The following YWHAZ variants were observed in gnomAD, a reference collection of about 807,000 sequenced individuals.
YWHAZ encodes the protein tyrosine 3-monooxygenase/tryptophan 5-monooxygenase activation protein zeta.
For synonymous variants in YWHAZ, 87 were observed against 103.6 expected (o/e 0.84, Z 0.97); for missense variants, 79 against 284.8 (o/e 0.28, Z 5.20).
intron 2 of YWHAZ, among the ~76,000 whole-genome samples, chr8:100,925,585 A>C (rs1393825225): frequency 6.6e-6 from 1 of 152,240 alleles, no homozygotes. Flanking sequence ...AAACCGTTCA[A>C]AAGTTTTATT....
chr8:100,929,640 G>C (rs1324662232), intron 2 of YWHAZ, among the ~76,000 whole-genome samples: 1 of 152,092 alleles, frequency 6.6e-6, no homozygotes, highest in Non-Finnish European at 1.5e-5. Flanking sequence ...CCGGATTTTT[G>C]TACACGTGGT....
At chr8:100,950,347 G>GCT in intron 1 of YWHAZ, 1 of 982,214 alleles carries the variant, frequency 1.0e-6, no homozygotes, top group Non-Finnish European at 1.2e-6. Flanking sequence ...AGTAACGAGT[G>GCT]CTCCAAGGCC....
upstream of YWHAZ, chr8:100,952,111 C>A: frequency 1.0e-6 from 1 of 986,702 alleles, no homozygotes; most frequent in South Asian, 4.5e-5. Context: ...ACCACACGCA[C>A]GATGACGTCA....
chr8:100,946,413 GCTGGTGCACGCCCAGTAATCCCAGCTA>G (rs1005807289), intron 2 of YWHAZ, among the ~76,000 whole-genome samples: 11 of 152,116 alleles, frequency 7.2e-5, no homozygotes, highest in Admixed American at 2.0e-4. Flanking sequence ...AGCTGGGCGT[GCTGGTGCACGCCCAGTAATCCCAGCTA>G]CTCGGGAGGT....
intron 2 of YWHAZ, among the ~76,000 whole-genome samples, chr8:100,944,474 T>C (rs187721267): frequency 3.3e-5 from 5 of 152,332 alleles, no homozygotes; most frequent in African/African-American, 4.8e-5. Flanking sequence ...CCAACTGTTA[T>C]AAATGTTAGA....
intron 1 of YWHAZ, chr8:100,950,284 A>T: frequency 1.3e-6 from 1 of 782,412 alleles, no homozygotes; most frequent in Middle Eastern, 6.5e-4. Flanking sequence ...AGTACAAAGG[A>T]TTCTCTCCCC....
chr8:100,951,766 AAG>A, intron 1 of YWHAZ, 161 bp downstream of exon 1: 5 of 984,976 alleles, frequency 5.1e-6, no homozygotes, highest in Non-Finnish European at 6.0e-6. Context: ...AGCCCAGCGG[AAG>A]AGGAGCCGCC....
chr8:100,926,441 G>A (rs1052212579), intron 2 of YWHAZ, among the ~76,000 whole-genome samples: 1 of 152,082 alleles, frequency 6.6e-6, no homozygotes, highest in Non-Finnish European at 1.5e-5. Context: ...GGTGAGCCTC[G>A]TCAACATGGT....
At position 100,924,344 on chromosome 8, in the gene YWHAZ, A is replaced by G. The variant is rs1458758912; in HGVS notation, c.419-46T>C. ...CGTACTGAGATAAAGTGTGCATTAT[A>G]TCTTCACCCCTCAAACCAAACCTTT... On this transcript the variant is annotated intron_variant, in intron 3 of 5. Coordinates refer to ENST00000395958, the MANE Select transcript of YWHAZ (RefSeq NM_145690.3). This position sits in a 1 kb window ranked among gnomAD's most constrained non-coding sequence, Gnocchi z 5.7. The G allele has an allele frequency of 3.8e-6, 6 of 1,574,320 alleles. No homozygotes were observed. The highest frequency in any genetic ancestry group is 5.2e-6 in the Non-Finnish European group (6 of 1,163,434).
chr8:100,943,973 C>A (rs1218149629), intron 2 of YWHAZ, among the ~76,000 whole-genome samples: 2 of 121,302 alleles, frequency 1.6e-5, no homozygotes, highest in African/African-American at 3.0e-5. Flanking sequence ...GGCGACAGAG[C>A]AAGACTCCGT....
rs116476918 is a variant in YWHAZ, at chr8:100,948,358, A to G, written c.294+238T>C. On this transcript the variant is annotated intron_variant, in intron 2 of 5. Transcript: ENST00000395958. This position sits in a 1 kb window ranked among gnomAD's most constrained non-coding sequence, Gnocchi z 4.2. ...TTCAATTAATATAAAATACAATACT[A>G]AAGTCTGTTATTTTTAACAAAACTG... Among the ~76,000 whole-genome samples, 2,836 of 152,314 alleles carry G rather than the reference A, an allele frequency of 0.019. 39 individuals are homozygous for G. Among genetic ancestry groups the G allele is most frequent in the African/African-American group, 0.033 (1,391 of 41,548 alleles).
At position 100,948,020 on chromosome 8, in the gene YWHAZ, A is replaced by G. The variant is rs1453057968; in HGVS notation, c.294+576T>C. The G allele has an allele frequency of 4.5e-6, 6 of 1,319,180 alleles. No homozygotes were observed. The highest frequency in any genetic ancestry group is 6.2e-6 in the Non-Finnish European group (6 of 965,146). The allele number at this position is 1,319,180 out of a possible 1,614,324, so 81.7% of individuals were successfully genotyped here. A position where few individuals can be genotyped will look rare whatever the true frequency, so the allele number is the denominator to read the frequency against. On this transcript the variant is annotated intron_variant, in intron 2 of 5. Transcript: ENST00000395958. The surrounding 1 kb of genome is among the most constrained non-coding windows in gnomAD (Gnocchi z 4.2). The stretch of plus-strand genomic sequence containing the variant: ...TTAAAATACTCGATTCAAACTGGAA[A>G]ATCAAGCTTGAGTTGTTCATAACCT...
At chr8:100,951,650 G>A (rs942718440) in intron 1 of YWHAZ, 18 of 985,124 alleles carry the variant, frequency 1.8e-5, no homozygotes, top group Non-Finnish European at 2.0e-5. Flanking sequence ...TCGCGTGTGG[G>A]CGCCCTACCC....
chr8:100,935,757 T>C (rs186773560), intron 2 of YWHAZ, among the ~76,000 whole-genome samples: 22 of 152,288 alleles, frequency 1.4e-4, no homozygotes, highest in Non-Finnish European at 1.5e-5. Flanking sequence ...ATGGTACTAA[T>C]TCTACTAACT....
At chr8:100,951,586 C>A (rs1033283807) in intron 1 of YWHAZ, 9 of 984,846 alleles carry the variant, frequency 9.1e-6, no homozygotes, top group Non-Finnish European at 1.1e-5. Flanking sequence ...GGCGGCGCCC[C>A]GGCCATGCCT....
At position 100,917,643 on chromosome 8, in the gene YWHAZ, T is replaced by TG. The variant is rs1404072535; in HGVS notation, c.*3049dup. On this transcript the variant is annotated 3_prime_UTR_variant, in exon 6 of 6. Coordinates refer to ENST00000395958, the MANE Select transcript of YWHAZ (RefSeq NM_145690.3). ...CTGAGGCAGGAGAATCACTTCAGCC[T>TG]GGGAGGAGAAGGTTGCAGTGAGCCG... 1 of 151,990 alleles carries TG rather than the reference T, an allele frequency of 6.6e-6. No homozygotes were observed. Among genetic ancestry groups the TG allele is most frequent in the Non-Finnish European group, 1.5e-5 (1 of 67,988 alleles). 9.4% of individuals were successfully genotyped at this position (151,990 alleles called of 1,614,324 possible). A position where few individuals can be genotyped will look rare whatever the true frequency, so the allele number is the denominator to read the frequency against.
intron 2 of YWHAZ, among the ~76,000 whole-genome samples, chr8:100,942,889 A>T (rs1478524603): frequency 6.6e-6 from 1 of 152,224 alleles, no homozygotes; most frequent in African/African-American, 2.4e-5. Flanking sequence ...AGCAGTAAAA[A>T]GATGTTTATA....
rs759331975 is a variant in YWHAZ at position 100,923,940 on chromosome 8, C to CTGT, written c.678+12_678+14dup. On this transcript the variant is annotated intron_variant, in intron 5 of 5. Transcript: ENST00000395958. ...TCAACCACATTCATCACTAATGATG[C>CTGT]TGTTATGTACTTACTGTCAAGTTGT... 6.3e-7 allele frequency: 1 copy of CTGT among 1,586,264 alleles called. No homozygotes were observed. The highest frequency in any genetic ancestry group is 8.6e-7 in the Non-Finnish European group (1 of 1,167,664).
At chr8:100,939,189 C>G (rs1814429310) in intron 2 of YWHAZ, among the ~76,000 whole-genome samples, 1 of 152,068 alleles carries the variant, frequency 6.6e-6, no homozygotes, top group African/African-American at 2.4e-5. Flanking sequence ...CTACACTAAA[C>G]AATGCTGATA....
Sources: allele counts gnomAD v4.1 joint callset (sites outside exome capture counted in the v4.1 genomes callset), GRCh38; gene constraint gnomAD v4.1.1; non-coding constraint Gnocchi (gnomAD v3.1); transcripts MANE v1.5; gene names NCBI Gene and HGNC (gene_info 2026-07-23, HGNC 2026-07-21).